Variants in CSTPP1 observed in about 807,000 individuals in gnomAD.
CSTPP1 encodes the protein centriolar satellite-associated tubulin polyglutamylase complex regulator 1, also known as UPF0705 protein C11orf49.
the CSTPP1 span, among the ~76,000 whole-genome samples, chr11:47,151,756 A>T: frequency 1.3e-5 from 2 of 151,386 alleles, no homozygotes; most frequent in South Asian, 4.2e-4. Flanking sequence ...TCCTTTATAC[A>T]TGTGCTGCTG....
chr11:47,028,165 C>T, the CSTPP1 span, among the ~76,000 whole-genome samples: 5 of 152,062 alleles, frequency 3.3e-5, no homozygotes, highest in Non-Finnish European at 7.4e-5. Context: ...CCTTGTGATC[C>T]GCCCGCCTCG....
chr11:47,136,841 A>C, the CSTPP1 span, among the ~76,000 whole-genome samples: 1 of 151,980 alleles, frequency 6.6e-6, no homozygotes. Context: ...TGGCTGATCT[A>C]AAATCTTTTG....
chr11:47,072,529 A>G, the CSTPP1 span, among the ~76,000 whole-genome samples: 5 of 152,236 alleles, frequency 3.3e-5, no homozygotes, highest in Non-Finnish European at 7.3e-5. Context: ...TGAAGAAGGA[A>G]TGTGAGGATA....
chr11:46,976,603 T>A, the CSTPP1 span, among the ~76,000 whole-genome samples: 2 of 152,182 alleles, frequency 1.3e-5, no homozygotes, highest in African/African-American at 4.8e-5. Context: ...TTGTGAAAAT[T>A]AGAGACAATG....
chr11:46,987,210 C>T, the CSTPP1 span: 3 of 1,613,928 alleles, frequency 1.9e-6, no homozygotes, highest in East Asian at 2.2e-5. Context: ...GATTGCAGCT[C>T]AGCGACATGT....
the CSTPP1 span, among the ~76,000 whole-genome samples, chr11:46,970,291 C>T: frequency 6.6e-6 from 1 of 151,664 alleles, no homozygotes; most frequent in Non-Finnish European, 1.5e-5. Context: ...TGCCAAAGAA[C>T]AAATCTATTT....
chr11:47,157,067 G>A, the CSTPP1 span: 2 of 1,614,034 alleles, frequency 1.2e-6, no homozygotes, highest in African/African-American at 2.7e-5. Context: ...CCTGCTGTCA[G>A]GCAAGAACCC....
chr11:47,163,736 G>A, the CSTPP1 span, among the ~76,000 whole-genome samples: 5 of 151,972 alleles, frequency 3.3e-5, no homozygotes, highest in East Asian at 1.9e-4. Flanking sequence ...TCTGCCTCCC[G>A]GGTTCAAGTG....
the CSTPP1 span, among the ~76,000 whole-genome samples, chr11:47,037,377 AT>A: frequency 1.2e-5 from 1 of 81,482 alleles, no homozygotes; most frequent in African/African-American, 4.8e-5. Flanking sequence ...TCTGGCAACA[AT>A]TATTATTATT....
the CSTPP1 span, among the ~76,000 whole-genome samples, chr11:47,127,632 G>C: frequency 6.6e-6 from 1 of 151,776 alleles, no homozygotes; most frequent in Non-Finnish European, 1.5e-5. Context: ...ACAAGAGCAG[G>C]TACTGTTGAT....
the CSTPP1 span, among the ~76,000 whole-genome samples, chr11:47,057,758 G>A: frequency 1.3e-5 from 2 of 152,160 alleles, no homozygotes; most frequent in African/African-American, 4.8e-5. Flanking sequence ...TTCTGCATAT[G>A]TGTGGGCTGG....
At chr11:47,156,597 T>G in the CSTPP1 span, among the ~76,000 whole-genome samples, 1 of 152,172 alleles carries the variant, frequency 6.6e-6, no homozygotes, top group Non-Finnish European at 1.5e-5. Flanking sequence ...CAAAAAATAT[T>G]TATGGCCTTA....
At chr11:47,070,769 C>T in the CSTPP1 span, among the ~76,000 whole-genome samples, 1 of 152,244 alleles carries the variant, frequency 6.6e-6, no homozygotes, top group Non-Finnish European at 1.5e-5. Flanking sequence ...GAAGCACAGC[C>T]CTGGTCTTGT....
chr11:47,131,325 C>T, the CSTPP1 span, among the ~76,000 whole-genome samples: 480 of 152,266 alleles, frequency 3.2e-3, 1 homozygote, highest in South Asian at 6.6e-3. Flanking sequence ...AATGTGGACA[C>T]GCATGGTGGT....
chr11:47,119,602 C>CT, the CSTPP1 span, among the ~76,000 whole-genome samples: 130 of 61,906 alleles, frequency 2.1e-3, 6 homozygotes, highest in East Asian at 6.5e-3. Context: ...CTGCCCACTT[C>CT]TTTTTTTTTT....
At chr11:47,158,535 T>G in the CSTPP1 span, among the ~76,000 whole-genome samples, 4 of 152,188 alleles carry the variant, frequency 2.6e-5, no homozygotes, top group African/African-American at 9.6e-5. Context: ...TTTAAGGTTT[T>G]TTGTTTTTTG....
the CSTPP1 span, among the ~76,000 whole-genome samples, chr11:47,101,184 T>A: frequency 9.2e-5 from 10 of 108,772 alleles, no homozygotes; most frequent in East Asian, 4.6e-4. Context: ...TTTTTTTTTT[T>A]TTTTTATTTT....
the CSTPP1 span, among the ~76,000 whole-genome samples, chr11:47,002,800 T>G: frequency 6.6e-6 from 1 of 152,240 alleles, no homozygotes; most frequent in African/African-American, 2.4e-5. Flanking sequence ...AATTTAGGTC[T>G]GATTTTTTAC....
At chr11:47,054,708 A>T in the CSTPP1 span, among the ~76,000 whole-genome samples, 1 of 152,202 alleles carries the variant, frequency 6.6e-6, no homozygotes, top group African/African-American at 2.4e-5. Flanking sequence ...GACAAGGAAC[A>T]TAGAAGTCTG....
Sources: allele counts gnomAD v4.1 joint callset (sites outside exome capture counted in the v4.1 genomes callset), GRCh38; gene constraint gnomAD v4.1.1; transcripts MANE v1.5; gene names NCBI Gene and HGNC (gene_info 2026-07-23, HGNC 2026-07-21).